The following CROCC2 variants were observed in gnomAD, a reference collection of about 807,000 sequenced individuals.
CROCC2 encodes ciliary rootlet coiled-coil, rootletin family member 2, also known as ciliary rootlet coiled-coil protein 2.
In CROCC2, 163 loss-of-function variants were observed where a neutral mutation model predicts 177.6. The ratio of observed to expected loss-of-function variants is 0.92; its 90% CI spans 0.81 to 1.05. The LOEUF (loss-of-function observed/expected upper bound fraction) is 1.05. CROCC2 is among the 50% of genes least tolerant of loss of function. The pLI, the probability that CROCC2 is intolerant of heterozygous loss-of-function variation, is 0.00. For missense variants in CROCC2, 1,929 were observed against 1,797.8 expected (o/e 1.07, Z -1.32); for synonymous variants, 904 against 787.3 (o/e 1.15, Z -2.48).
In CROCC2 at chr2:240,963,634, G is replaced by T. The variant is rs757465694; in HGVS notation, c.3166G>T (p.Glu1056Ter). ...ALRQELQGVE[E>*]SREGLHREAQ... ...GCGCCAGGAGCTGCAGGGCGTCGAG[G>T]AGAGCCGGGAGGGGCTGCACAGGGA... The change falls in exon 21 of 32, where the codon GAG (glutamate) becomes TAG (stop). Residue 1056 changes from glutamate (E) to a stop codon, truncating the protein, a stop_gained. Coordinates refer to ENST00000690015, the MANE Select transcript of CROCC2 (RefSeq NM_001351305.2). LOFTEE classifies it high-confidence loss of function. The T allele has an allele frequency of 9.6e-5, 149 of 1,549,518 alleles. No homozygotes were observed. The highest frequency in any genetic ancestry group is 8.6e-5 in the Non-Finnish European group (99 of 1,146,738).
At chr2:240,933,608 A>G in intron 10 of CROCC2, 62 bp from the exon 11 acceptor site, 1 of 1,506,998 alleles carries the variant, frequency 6.6e-7, no homozygotes, top group Non-Finnish European at 8.9e-7. Context: ...ATGCCCACCA[A>G]GGCACGCGGT....
Position 240,949,272 on chromosome 2 carries a change from G to T in CROCC2, c.2482+175G>T, listed in dbSNP as rs1054511426. Reference sequence around the variant, plus strand: ...CTTGGGCCACCCTCGCCCATGAGGAGCAGCAACACCCTGCCCAGGCTGCAC... The same window carrying T: ...CTTGGGCCACCCTCGCCCATGAGGATCAGCAACACCCTGCCCAGGCTGCAC... On this transcript the variant is annotated intron_variant, in intron 16 of 31. Transcript: ENST00000690015. The surrounding 1 kb of genome is among the most constrained non-coding windows in gnomAD (Gnocchi z 4.5). 10 of 864,278 alleles carry T rather than the reference G, an allele frequency of 1.2e-5. No homozygotes were observed. The African/African-American group carries it at 1.8e-4, about 16-fold the overall frequency. 53.5% of individuals were successfully genotyped at this position (864,278 alleles called of 1,614,324 possible). A position where few individuals can be genotyped will look rare whatever the true frequency, so the allele number is the denominator to read the frequency against.
rs574557567 is a variant in CROCC2, at chr2:240,946,009, C to T, written c.2170-51C>T. 29 of 1,393,782 alleles carry T rather than the reference C, an allele frequency of 2.1e-5. No individual in the cohort carries two copies. In the East Asian group the frequency reaches 7.1e-4, roughly 34 times the overall value. The allele number at this position is 1,393,782 out of a possible 1,614,324, so 86.3% of individuals were successfully genotyped here. On this transcript the variant is annotated intron_variant, in intron 14 of 31. Transcript: ENST00000690015. ...TCCCCTCAAGAGGCCCATGCTCACC[C>T]ACCCACTTACTCTCTTTCTCTGCCG...
chr2:240,993,024 C>T (rs139926633), intron 31 of CROCC2, 42 bp from the exon 32 acceptor site: 170 of 714,896 alleles, frequency 2.4e-4, no homozygotes, highest in Non-Finnish European at 3.7e-4. Flanking sequence ...CATGTGTCCC[C>T]GGGAATGCGG....
At chr2:240,952,184 A>G (rs935590738) in intron 18 of CROCC2, among the ~76,000 whole-genome samples, 63 of 152,096 alleles carry the variant, frequency 4.1e-4, no homozygotes, top group Non-Finnish European at 8.8e-5. Context: ...AGTCTCTACT[A>G]AAACCACAAA....
At chr2:240,928,452 G>GTGTGTGTGTGTA (rs1491433332) in intron 5 of CROCC2, among the ~76,000 whole-genome samples, 2 of 149,628 alleles carry the variant, frequency 1.3e-5, no homozygotes, top group African/African-American at 5.0e-5. Flanking sequence ...GTGTGTGTGT[G>GTGTGTGTGTGTA]TAGCAAGAAA....
intron 20 of CROCC2, among the ~76,000 whole-genome samples, chr2:240,961,563 TCA>T (rs369468778): frequency 1.7e-4 from 13 of 78,492 alleles, no homozygotes; most frequent in African/African-American, 5.1e-4. Flanking sequence ...CTCATCACAC[TCA>T]CACACTCATC....
At chr2:240,945,292 C>G (rs2059516490) in intron 14 of CROCC2, among the ~76,000 whole-genome samples, 1 of 152,156 alleles carries the variant, frequency 6.6e-6, no homozygotes, top group African/African-American at 2.4e-5. Flanking sequence ...GTAATCCAAT[C>G]CGTGACTGGG....
chr2:240,987,968 G>A (rs184290755), intron 28 of CROCC2, among the ~76,000 whole-genome samples: 13 of 152,368 alleles, frequency 8.5e-5, no homozygotes, highest in African/African-American at 2.2e-4. Flanking sequence ...GAAGCAGGCT[G>A]TCTGGGGCTG....
intron 15 of CROCC2, 95 bp downstream of exon 15, chr2:240,946,348 CAT>C: frequency 8.1e-7 from 1 of 1,237,196 alleles, no homozygotes; most frequent in East Asian, 2.6e-5. Context: ...CGCACCATGA[CAT>C]AGGACTGGGA....
chr2:240,928,565 C>G (rs1046832279), intron 5 of CROCC2, among the ~76,000 whole-genome samples: 3 of 152,194 alleles, frequency 2.0e-5, no homozygotes, highest in African/African-American at 4.8e-5. Context: ...GGCTGTGAAT[C>G]TGGACTCTCA....
intron 27 of CROCC2, among the ~76,000 whole-genome samples, chr2:240,975,234 G>A (rs1443697409): frequency 1.3e-5 from 2 of 152,250 alleles, no homozygotes; most frequent in Non-Finnish European, 2.9e-5. Flanking sequence ...TAGATGCAGA[G>A]GCAGCAGGGC....
chr2:240,925,037 C>T (rs7369492), intron 4 of CROCC2, among the ~76,000 whole-genome samples: 1 of 138,736 alleles, frequency 7.2e-6, no homozygotes, highest in Non-Finnish European at 1.5e-5. Context: ...TAACCCAGCC[C>T]TGCACAGCAA....
intron 15 of CROCC2, among the ~76,000 whole-genome samples, chr2:240,947,014 C>G (rs2059528276): frequency 6.6e-6 from 1 of 152,270 alleles, no homozygotes; most frequent in African/African-American, 2.4e-5. Context: ...GCCTGGTGAT[C>G]TGAATGGGTC....
At position 240,925,359 on chromosome 2, in the gene CROCC2, G is replaced by A. The variant is rs562058221; in HGVS notation, c.489-365G>A. Among the ~76,000 whole-genome samples, 711 of 152,166 alleles carry A rather than the reference G, an allele frequency of 4.7e-3. 7 individuals are homozygous for A. The highest frequency in any genetic ancestry group is 0.016 in the African/African-American group (681 of 41,506). On this transcript the variant is annotated intron_variant, in intron 4 of 31. Transcript: ENST00000690015. ...CGGGCATGTCTGACTCCCTCTCCGC[G>A]TCACCCCGCCCCGCGAAAGGCACCT...
rs555792716 is a variant in CROCC2, at chr2:240,920,010, T to C, written c.257T>C (p.Val86Ala). 134 of 716,776 alleles carry C rather than the reference T, an allele frequency of 1.9e-4. 1 individual carries two copies. In the Admixed American group the frequency reaches 2.6e-3, roughly 14 times the overall value. 44.4% of individuals were successfully genotyped at this position (716,776 alleles called of 1,614,324 possible). Residue 86 changes from valine (V) to alanine (A), a missense_variant, in exon 3 of 32, where the codon GTG becomes GCG. Physicochemically the swap from Val to Ala is moderately conservative, Grantham distance 64 (BLOSUM62 0). This residue lies in a region of CROCC2 where 1,397 missense variants were observed against 1,239.9 expected (regional missense o/e 1.13). Transcript: ENST00000690015. The part of the protein sequence containing the change: ...QAGVQEPTAT[V>A]ARVQEENELL... ...GGGGTACAGGAGCCGACAGCCACTG[T>C]GGCCCGAGTGCAAGAGGAGAACGAG...
intron 14 of CROCC2, among the ~76,000 whole-genome samples, chr2:240,936,753 T>A (rs964651310): frequency 1.2e-4 from 18 of 152,218 alleles, no homozygotes; most frequent in African/African-American, 4.3e-4. Context: ...AAGAGCATTG[T>A]GGCTTATGTC....
At chr2:240,936,990 C>T (rs1207914677) in intron 14 of CROCC2, among the ~76,000 whole-genome samples, 1 of 152,180 alleles carries the variant, frequency 6.6e-6, no homozygotes, top group Non-Finnish European at 1.5e-5. Context: ...TTTTATTTTT[C>T]CTAACTAAAT....
chr2:240,987,749 C>G (rs56185205), intron 28 of CROCC2, among the ~76,000 whole-genome samples: 2,463 of 152,394 alleles, frequency 0.016, 71 homozygotes, highest in African/African-American at 0.055. Context: ...CACTCCAGCC[C>G]AAGGCTGTCA....
Sources: allele counts gnomAD v4.1 joint callset (sites outside exome capture counted in the v4.1 genomes callset), GRCh38; gene constraint gnomAD v4.1.1; regional missense constraint gnomAD v4.1.1; non-coding constraint Gnocchi (gnomAD v3.1); transcripts MANE v1.5; gene names NCBI Gene and HGNC (gene_info 2026-07-23, HGNC 2026-07-21).